The following VIRMA variants were observed in gnomAD, a reference collection of about 807,000 sequenced individuals.
VIRMA encodes the protein protein virilizer homolog.
VIRMA carries 65 observed loss-of-function variants against 182.4 expected under a neutral mutation model. That is an observed-to-expected ratio of 0.36 (90% CI 0.29 to 0.44). VIRMA has a LOEUF of 0.44. Ranked by LOEUF, VIRMA falls within the 20% of genes least tolerant of loss-of-function variation. VIRMA has a pLI of 1.00. For missense variants in VIRMA, 1,752 were observed against 2,158.1 expected (o/e 0.81, Z 3.73); for synonymous variants, 709 against 743.1 (o/e 0.95, Z 0.75).
Position 94,488,571 on chromosome 8 carries a change from T to C in VIRMA, c.*135A>G, listed in dbSNP as rs1055246755. 1.1e-5 allele frequency: 8 copies of C among 756,280 alleles called. No homozygotes were observed. Among genetic ancestry groups the C allele is most frequent in the African/African-American group, 3.5e-5 (2 of 57,554 alleles). The allele number at this position is 756,280 out of a possible 1,614,324, so 46.8% of individuals were successfully genotyped here. ...AAATCTTGTTAGGTATCAAACAAAT[T>C]CTGCTTTCTTCAGATAAAAATATTC... is the stretch of plus-strand genomic sequence containing the variant. On this transcript the variant is annotated 3_prime_UTR_variant, in exon 24 of 24. Coordinates refer to ENST00000297591, the MANE Select transcript of VIRMA (RefSeq NM_015496.5).
intron 17 of VIRMA, chr8:94,497,008 T>C (rs1813803254): frequency 6.6e-6 from 1 of 152,334 alleles, no homozygotes; most frequent in South Asian, 2.1e-4. Flanking sequence ...AAATAAATCT[T>C]GCTTCATGAT....
chr8:94,494,037 G>C (rs1020384795), intron 20 of VIRMA, among the ~76,000 whole-genome samples: 2 of 152,076 alleles, frequency 1.3e-5, no homozygotes, highest in Non-Finnish European at 2.9e-5. Context: ...TCCTCTCCTT[G>C]AACCCAAATG....
chr8:94,511,628 G>A lies in VIRMA; in HGVS notation c.2947C>T (p.Leu983=). 1.2e-6 allele frequency: 2 copies of A among 1,614,126 alleles called. No homozygotes were observed. Among genetic ancestry groups the A allele is most frequent in the Non-Finnish European group, 1.7e-6 (2 of 1,180,012 alleles). Residue 983 remains leucine (L), a synonymous_variant, in exon 13 of 24, where the codon CTG becomes TTG. Coordinates refer to ENST00000297591, the MANE Select transcript of VIRMA (RefSeq NM_015496.5). ...ACATGGAGCCTCCAAGGCTGAGTCA[G>A]AATACTGTTCAATTTTTGCAGAACT... is the stretch of plus-strand genomic sequence containing the variant. ...IRVLQKLNSI[L]TQPWRLHVNM... is the part of the protein sequence containing the mutation.
At chr8:94,536,496 G>A (rs1815347485) in intron 4 of VIRMA, among the ~76,000 whole-genome samples, 2 of 152,228 alleles carry the variant, frequency 1.3e-5, no homozygotes, top group Non-Finnish European at 2.9e-5. Flanking sequence ...AGGCACAGTA[G>A]TGTCTAATAA....
At chr8:94,527,966 C>T (rs1005290466) in intron 7 of VIRMA, among the ~76,000 whole-genome samples, 4 of 152,138 alleles carry the variant, frequency 2.6e-5, no homozygotes, top group African/African-American at 9.7e-5. Flanking sequence ...TGCACAGTGG[C>T]TCATGCCTGT....
chr8:94,522,725 A>G (rs1387959691), intron 8 of VIRMA, among the ~76,000 whole-genome samples: 1 of 152,116 alleles, frequency 6.6e-6, no homozygotes, highest in Non-Finnish European at 1.5e-5. Flanking sequence ...TTGCCTTTCC[A>G]TTACCTGTTA....
At chr8:94,510,361 AAT>A (rs1814319773) in intron 14 of VIRMA, 54 bp downstream of exon 14, 4 of 1,415,764 alleles carry the variant, frequency 2.8e-6, no homozygotes, top group Middle Eastern at 1.8e-4. Context: ...TAAGGGAAAA[AAT>A]ATATGTGTCA....
In VIRMA at chr8:94,539,090, A is replaced by ATT. The variant is rs1815450499; in HGVS notation, c.180-745_180-744insAA. On this transcript the variant is annotated intron_variant, in intron 2 of 23. Coordinates refer to ENST00000297591, the MANE Select transcript of VIRMA (RefSeq NM_015496.5). ...CTAATTTTTTTTTTTTTTTTTAAGTAGAGACAAGTTATCACTATGTTGCCC... is the reference window on the plus strand; with the variant it reads ...CTAATTTTTTTTTTTTTTTTTAAGTATTGAGACAAGTTATCACTATGTTGCCC... 6.7e-5 allele frequency among the ~76,000 whole-genome samples: 10 copies of ATT among 149,336 alleles called. No homozygotes were observed. The South Asian group carries it at 1.7e-3, about 25-fold the overall frequency.
At chr8:94,522,385 T>C (rs1465929566) in intron 8 of VIRMA, among the ~76,000 whole-genome samples, 1 of 152,130 alleles carries the variant, frequency 6.6e-6, no homozygotes, top group African/African-American at 2.4e-5. Flanking sequence ...CCCAGGTACC[T>C]TTTTCCTTTG....
intron 10 of VIRMA, among the ~76,000 whole-genome samples, chr8:94,516,631 T>G (rs1045353208): frequency 2.8e-4 from 43 of 152,108 alleles, no homozygotes; most frequent in African/African-American, 1.0e-3. Flanking sequence ...TTCTTATATA[T>G]AGAATATATA....
At chr8:94,523,209 C>T (rs892042381) in intron 8 of VIRMA, among the ~76,000 whole-genome samples, 2 of 152,180 alleles carry the variant, frequency 1.3e-5, no homozygotes, top group Non-Finnish European at 2.9e-5. Context: ...TCATCTCCCA[C>T]CAAGCCTTGC....
chr8:94,511,053 C>G (rs1814354065), intron 13 of VIRMA, 132 bp downstream of exon 13: 1 of 1,438,038 alleles, frequency 7.0e-7, no homozygotes, highest in Admixed American at 3.2e-5. Flanking sequence ...TTTTATCTCC[C>G]CCTCATCCGG....
chr8:94,515,486 T>A (rs147686835), intron 10 of VIRMA, among the ~76,000 whole-genome samples: 6 of 152,060 alleles, frequency 3.9e-5, no homozygotes, highest in African/African-American at 1.4e-4. Context: ...ATCCTCCTGC[T>A]TCAACCTCCA....
chr8:94,527,495 C>G, intron 7 of VIRMA, 132 bp from the exon 8 acceptor site: 1 of 557,006 alleles, frequency 1.8e-6, no homozygotes, highest in Non-Finnish European at 3.0e-6. Flanking sequence ...TCTGCCCCAA[C>G]ATCTTACCCA....
At chr8:94,540,973 T>G (rs1001001806) in intron 2 of VIRMA, among the ~76,000 whole-genome samples, 1 of 151,964 alleles carries the variant, frequency 6.6e-6, no homozygotes, top group Admixed American at 6.6e-5. Flanking sequence ...TCACATAAGG[T>G]ATTATATTTA....
intron 13 of VIRMA, 185 bp from the exon 14 acceptor site, chr8:94,510,837 AG>A (rs1814343574): frequency 5.2e-6 from 4 of 774,892 alleles, no homozygotes; most frequent in Non-Finnish European, 6.0e-6. Context: ...TATTGTTCTC[AG>A]GTTAGCAGTT....
intron 11 of VIRMA, among the ~76,000 whole-genome samples, chr8:94,513,086 A>T (rs3133640): frequency 6.6e-6 from 1 of 152,018 alleles, no homozygotes; most frequent in South Asian, 2.1e-4. Flanking sequence ...GCCTGTAATC[A>T]CAGCACTTTG....
intron 20 of VIRMA, among the ~76,000 whole-genome samples, chr8:94,493,642 G>A (rs1813676620): frequency 6.6e-6 from 1 of 152,160 alleles, no homozygotes; most frequent in Non-Finnish European, 1.5e-5. Flanking sequence ...CCACTGAACA[G>A]CTTGCACTAA....
chr8:94,504,805 T>G (rs377086358), intron 16 of VIRMA, among the ~76,000 whole-genome samples: 1 of 152,166 alleles, frequency 6.6e-6, no homozygotes, highest in Non-Finnish European at 1.5e-5. Flanking sequence ...CAAGTAGAAA[T>G]GTCAAGTAGA....
Sources: allele counts gnomAD v4.1 joint callset (sites outside exome capture counted in the v4.1 genomes callset), GRCh38; gene constraint gnomAD v4.1.1; transcripts MANE v1.5; gene names NCBI Gene and HGNC (gene_info 2026-07-23, HGNC 2026-07-21).